ORC2: variants seen among roughly 807,000 people sequenced by gnomAD.
ORC2 encodes the protein origin recognition complex protein 2 homolog.
A neutral mutation model predicts 77.7 loss-of-function variants in ORC2; 37 were observed. The observed-to-expected ratio is 0.48, with a 90% CI of 0.37 to 0.63. The LOEUF (loss-of-function observed/expected upper bound fraction) is 0.63, where lower values mean the gene tolerates loss of function less well. Ranked by LOEUF, ORC2 falls within the 20% of genes least tolerant of loss-of-function variation. The probability of loss-of-function intolerance (pLI) is 0.00; values close to 1 mark genes in which losing one functional copy is unlikely to be tolerated. For synonymous variants in ORC2, 201 were observed against 229.5 expected, an observed-to-expected ratio of 0.88 and a Z score of 1.12; for missense variants, 557 against 661.9, an observed-to-expected ratio of 0.84 and a Z score of 1.74.
chr2:200,953,304 A>G (rs1347270361), intron 4 of ORC2, among the ~76,000 whole-genome samples: 1 of 149,906 alleles, frequency 6.7e-6, no homozygotes, highest in Non-Finnish European at 1.5e-5. Context: ...CAATACTACT[A>G]GCTATTACAG....
At chr2:200,911,515 G>A in intron 17 of ORC2, 128 bp from the exon 18 acceptor site, 1 of 557,372 alleles carries the variant, frequency 1.8e-6, no homozygotes, top group Non-Finnish European at 3.2e-6. Flanking sequence ...AGTATAAAAA[G>A]GCAAAAGGGC....
chr2:200,960,449 A>G (rs896312666), intron 1 of ORC2, among the ~76,000 whole-genome samples: 3 of 152,178 alleles, frequency 2.0e-5, no homozygotes, highest in Non-Finnish European at 4.4e-5. Flanking sequence ...TAGTCATAAT[A>G]CTGTTTCCTA....
intron 6 of ORC2, among the ~76,000 whole-genome samples, chr2:200,942,199 A>C (rs2041167372): frequency 6.6e-6 from 1 of 152,130 alleles, no homozygotes; most frequent in Non-Finnish European, 1.5e-5. Context: ...GTCTCTAAAA[A>C]ATGAAAAAAA....
At position 200,940,776 on chromosome 2, in the gene ORC2, T is replaced by C. The variant is rs550407240; in HGVS notation, c.453+472A>G. ...GAGACCACGCCACTGCACTCCAGCCTGGGCGACAGAGTAAGACTCCGTCTC... is the reference window on the plus strand; with the variant it reads ...GAGACCACGCCACTGCACTCCAGCCCGGGCGACAGAGTAAGACTCCGTCTC... On this transcript the variant is annotated intron_variant, in intron 7 of 17. Coordinates refer to ENST00000234296, the MANE Select transcript of ORC2 (RefSeq NM_006190.5). 3.3e-5 allele frequency among the ~76,000 whole-genome samples: 5 copies of C among 152,150 alleles called. No homozygotes were observed. In the East Asian group the frequency reaches 9.6e-4, roughly 29 times the overall value.
intron 4 of ORC2, among the ~76,000 whole-genome samples, chr2:200,951,257 C>A (rs2041351127): frequency 6.6e-6 from 1 of 152,154 alleles, no homozygotes; most frequent in Non-Finnish European, 1.5e-5. Flanking sequence ...GTTTGTTCAT[C>A]CATTCATCTA....
At chr2:200,939,778 T>G (rs941908666) in intron 7 of ORC2, among the ~76,000 whole-genome samples, 1 of 152,232 alleles carries the variant, frequency 6.6e-6, no homozygotes, top group Admixed American at 6.5e-5. Flanking sequence ...TCAACAGGTT[T>G]TTCTGGTTTT....
chr2:200,936,886 C>T lies in ORC2; in HGVS notation c.515-994G>A, dbSNP rs115568641. Reference sequence around the variant, plus strand: ...AAAACTGTTTTTAAAAGCTAACTTCCAAAATATGAGTGAAAAAACTTAAAC... The same window carrying T: ...AAAACTGTTTTTAAAAGCTAACTTCTAAAATATGAGTGAAAAAACTTAAAC... On this transcript the variant is annotated intron_variant, in intron 8 of 17. Transcript: ENST00000234296. Among the ~76,000 whole-genome samples the T allele has an allele frequency of 2.4e-3, 366 of 151,502 alleles. 2 individuals are homozygous for T. Among genetic ancestry groups the T allele is most frequent in the Non-Finnish European group, 4.3e-3 (294 of 67,926 alleles).
rs1198486417 is a variant in ORC2 at position 200,942,767 on chromosome 2, T to C, written c.339A>G (p.Leu113=). 6.2e-7 allele frequency: 1 copy of C among 1,605,774 alleles called. No homozygotes were observed. The highest frequency in any genetic ancestry group is 8.5e-7 in the Non-Finnish European group (1 of 1,174,528). The stretch of plus-strand genomic sequence containing the variant: ...AAACACTTTTTTGTGGTGTTTTTGC[T>C]AGTTCTGAAGCTGTAAACAAAGAAA... ...SEKMAKLASE[L]AKTPQKSVSF... is the part of the protein sequence containing the mutation. The change falls in exon 6 of 18, where the codon CTA becomes CTG. Residue 113 remains leucine (L), a synonymous_variant. Coordinates refer to ENST00000234296, the MANE Select transcript of ORC2 (RefSeq NM_006190.5).
Position 200,920,332 on chromosome 2 carries a change from A to C in ORC2, c.1356T>G (p.Ser452Arg), listed in dbSNP as rs746050212. The change falls in exon 15 of 18, where the codon AGT becomes AGG. Residue 452 changes from serine to arginine, a missense_variant. Ser to Arg is a moderately radical substitution (Grantham distance 110, BLOSUM62 -1). Coordinates refer to ENST00000234296, the MANE Select transcript of ORC2 (RefSeq NM_006190.5). Reference protein sequence around the residue: ...NWLWYETTTYSPYTEETSYEN... With the variant: ...NWLWYETTTYRPYTEETSYEN... ...CATAGGAGGTTTCTTCAGTATAAGG[A>C]CTGTATGTAGTAGTTTCATACCAGA... The C allele has an allele frequency of 2.5e-6, 4 of 1,613,550 alleles. No homozygotes were observed. Among genetic ancestry groups the C allele is most frequent in the Non-Finnish European group, 3.4e-6 (4 of 1,179,584 alleles).
intron 4 of ORC2, among the ~76,000 whole-genome samples, chr2:200,951,299 G>GCTTCCACAATGTT (rs755038292): frequency 0.13 from 19,439 of 152,092 alleles, 1,660 homozygotes; most frequent in Non-Finnish European, 0.19. Flanking sequence ...TCCAAGTTTT[G>GCTTCCACAATGTT]GCCATTGTGA....
chr2:200,957,956 TAA>T (rs770753229), intron 3 of ORC2, 72 bp downstream of exon 3: 173 of 952,604 alleles, frequency 1.8e-4, no homozygotes, highest in Non-Finnish European at 2.7e-4. Context: ...AAGAAAATGT[TAA>T]AAGTTTTAAA....
intron 5 of ORC2, among the ~76,000 whole-genome samples, chr2:200,943,728 A>T (rs1443320623): frequency 1.3e-5 from 2 of 151,932 alleles, no homozygotes; most frequent in Non-Finnish European, 2.9e-5. Context: ...CAAAATACTC[A>T]TAACAATCTC....
intron 15 of ORC2, 137 bp downstream of exon 15, chr2:200,920,085 A>T (rs577943658): frequency 1.7e-6 from 1 of 587,804 alleles, no homozygotes; most frequent in African/African-American, 1.8e-5. Flanking sequence ...TCCATAATCC[A>T]GTACTGGTAA....
At chr2:200,950,683 T>C (rs2041337229) in intron 4 of ORC2, among the ~76,000 whole-genome samples, 1 of 152,200 alleles carries the variant, frequency 6.6e-6, no homozygotes, top group South Asian at 2.1e-4. Flanking sequence ...AACAATGCCC[T>C]CCTCATTAAG....
intron 1 of ORC2, among the ~76,000 whole-genome samples, chr2:200,960,841 G>A (rs1382627641): frequency 1.3e-5 from 2 of 150,884 alleles, no homozygotes; most frequent in Non-Finnish European, 3.0e-5. Flanking sequence ...CAGAGGCTCA[G>A]TTTCAGCTCA....
chr2:200,915,109 G>A (rs866750983), intron 15 of ORC2, among the ~76,000 whole-genome samples: 4 of 144,316 alleles, frequency 2.8e-5, no homozygotes, highest in Admixed American at 7.3e-5. Flanking sequence ...TCTGTCTCCC[G>A]GGTTCAAGCG....
intron 4 of ORC2, among the ~76,000 whole-genome samples, chr2:200,954,591 A>C (rs1482578763): frequency 6.6e-6 from 1 of 152,196 alleles, no homozygotes; most frequent in Non-Finnish European, 1.5e-5. Flanking sequence ...TCTCTAAAGC[A>C]GGCATTCTTG....
At chr2:200,912,425 G>T (rs2040566573) in intron 17 of ORC2, among the ~76,000 whole-genome samples, 1 of 152,004 alleles carries the variant, frequency 6.6e-6, no homozygotes, top group South Asian at 2.1e-4. Flanking sequence ...TGTGTGTTTT[G>T]TTCTTTTTGA....
intron 3 of ORC2, among the ~76,000 whole-genome samples, chr2:200,957,770 C>T (rs2041497769): frequency 6.6e-6 from 1 of 150,784 alleles, no homozygotes; most frequent in South Asian, 2.1e-4. Context: ...TTCAAAATAA[C>T]CACATATTTT....
Sources: allele counts gnomAD v4.1 joint callset (sites outside exome capture counted in the v4.1 genomes callset), GRCh38; gene constraint gnomAD v4.1.1; transcripts MANE v1.5; gene names NCBI Gene and HGNC (gene_info 2026-07-23, HGNC 2026-07-21).